GRIK4: variants seen among roughly 807,000 people sequenced by gnomAD.
GRIK4 encodes glutamate ionotropic receptor kainate type subunit 4, also known as glutamate receptor ionotropic, kainate 4.
In GRIK4, 40 loss-of-function variants were observed where a neutral mutation model predicts 104.9. The ratio of observed to expected loss-of-function variants is 0.38; its 90% CI spans 0.30 to 0.50. The LOEUF is 0.50. GRIK4 is among the 20% of genes least tolerant of loss of function. GRIK4 has a pLI of 0.93. For synonymous variants in GRIK4, 485 were observed against 524.9 expected, an observed-to-expected ratio of 0.92 and a Z score of 1.04; for missense variants, 1,047 against 1,308.1, an observed-to-expected ratio of 0.80 and a Z score of 3.08.
chr11:120,516,898 G>A (rs188531594), intron 1 of GRIK4, among the ~76,000 whole-genome samples: 28 of 152,166 alleles, frequency 1.8e-4, no homozygotes, highest in Admixed American at 3.3e-4. Flanking sequence ...TGGAGCCATC[G>A]GGGCTCACCC....
chr11:120,932,109 G>A (rs537826256), intron 13 of GRIK4, among the ~76,000 whole-genome samples: 11 of 151,740 alleles, frequency 7.2e-5, no homozygotes, highest in African/African-American at 2.7e-4. Flanking sequence ...CCTTCTCATG[G>A]TGACATATAT....
intron 13 of GRIK4, among the ~76,000 whole-genome samples, chr11:120,916,951 A>G (rs2134550857): frequency 6.6e-6 from 1 of 152,326 alleles, no homozygotes; most frequent in South Asian, 2.1e-4. Flanking sequence ...AGGCTTAGAA[A>G]GCCAGGCTTT....
In GRIK4 at chr11:120,729,591, C is replaced by T. The variant is rs531704954; in HGVS notation, c.82+69191C>T. On this transcript the variant is annotated intron_variant, in intron 3 of 20. Transcript: ENST00000527524. Reference sequence around the variant, plus strand: ...GAAATGTGTATTCAGATCTTTTGCCCATTTCTTAATTGGATCATTGGACTT... The same window carrying T: ...GAAATGTGTATTCAGATCTTTTGCCTATTTCTTAATTGGATCATTGGACTT... 1.1e-4 allele frequency among the ~76,000 whole-genome samples: 16 copies of T among 152,248 alleles called. 1 individual carries two copies. The East Asian group carries it at 3.1e-3, about 29-fold the overall frequency.
chr11:120,916,156 C>T (rs1191008903), intron 13 of GRIK4, among the ~76,000 whole-genome samples: 2 of 152,186 alleles, frequency 1.3e-5, no homozygotes, highest in Non-Finnish European at 2.9e-5. Context: ...CCTCAACCCT[C>T]TTATCTGGAA....
chr11:120,718,610 G>A (rs1265104247), intron 3 of GRIK4, among the ~76,000 whole-genome samples: 2 of 152,234 alleles, frequency 1.3e-5, no homozygotes, highest in Admixed American at 6.5e-5. Context: ...AAGGAAGGAG[G>A]GAGAATCCAA....
intron 6 of GRIK4, among the ~76,000 whole-genome samples, chr11:120,829,939 A>G (rs1953376992): frequency 6.6e-6 from 1 of 152,310 alleles, no homozygotes; most frequent in Non-Finnish European, 1.5e-5. Context: ...ACAAGTCTCC[A>G]TCGAAACCCT....
At chr11:120,937,527 T>G (rs1390723191) in intron 13 of GRIK4, among the ~76,000 whole-genome samples, 1 of 152,246 alleles carries the variant, frequency 6.6e-6, no homozygotes, top group Non-Finnish European at 1.5e-5. Flanking sequence ...AGCTTGTCAC[T>G]GCCCTTTCCT....
Position 120,875,249 on chromosome 11 carries a change from C to T in GRIK4, c.1164+6C>T. 1.3e-6 allele frequency: 2 copies of T among 1,558,092 alleles called. No homozygotes were observed. The highest frequency in any genetic ancestry group is 1.8e-6 in the Non-Finnish European group (2 of 1,128,904). ...CAAGGAATGGTTTTCGGCAGGTAAG[C>T]CTAGCTGCACCGTGGTGATGGCAGG... On this transcript the variant is annotated splice_donor_region_variant and intron_variant, in intron 11 of 20. Transcript: ENST00000527524.
At chr11:120,544,455 T>C (rs1948066192) in intron 1 of GRIK4, among the ~76,000 whole-genome samples, 1 of 152,154 alleles carries the variant, frequency 6.6e-6, no homozygotes, top group Admixed American at 6.5e-5. Flanking sequence ...CTCAGCCTCC[T>C]GAGTAGCTGG....
intron 8 of GRIK4, chr11:120,858,319 A>G (rs1419949114): frequency 6.6e-6 from 1 of 152,196 alleles, no homozygotes; most frequent in Non-Finnish European, 1.5e-5. Context: ...TGTTCGTTTT[A>G]TGAAATATCT....
At chr11:120,633,336 C>G (rs754384351) in intron 1 of GRIK4, among the ~76,000 whole-genome samples, 35 of 152,272 alleles carry the variant, frequency 2.3e-4, no homozygotes, top group Middle Eastern at 3.4e-3. Flanking sequence ...ACTCCCAGGC[C>G]TTCTCGATGG....
intron 1 of GRIK4, among the ~76,000 whole-genome samples, chr11:120,537,850 T>TAAATAAA (rs1947993528): frequency 7.1e-6 from 1 of 141,712 alleles, no homozygotes. Context: ...TGTTTGTTCT[T>TAAATAAA]AAAAAAAAAA....
intron 1 of GRIK4, among the ~76,000 whole-genome samples, chr11:120,646,552 G>C (rs1565588077): frequency 6.6e-6 from 1 of 152,190 alleles, no homozygotes. Context: ...ATGAGTCACT[G>C]AGTAGGGGAA....
chr11:120,748,444 G>A (rs901028588), intron 3 of GRIK4, among the ~76,000 whole-genome samples: 13 of 151,922 alleles, frequency 8.6e-5, no homozygotes, highest in East Asian at 7.7e-4. Flanking sequence ...GCTGTGTAGC[G>A]GGTGGGTAAG....
At chr11:120,582,998 T>C (rs1196400909) in intron 1 of GRIK4, among the ~76,000 whole-genome samples, 1 of 152,268 alleles carries the variant, frequency 6.6e-6, no homozygotes, top group African/African-American at 2.4e-5. Flanking sequence ...TTCCCTTTTC[T>C]CTGCAACCTC....
intron 3 of GRIK4, among the ~76,000 whole-genome samples, chr11:120,794,291 T>A (rs978801274): frequency 6.6e-6 from 1 of 150,956 alleles, no homozygotes; most frequent in Non-Finnish European, 1.5e-5. Flanking sequence ...AGCCAGGCGA[T>A]GGTTGGAGGG....
At chr11:120,673,470 T>C (rs1257651090) in intron 3 of GRIK4, among the ~76,000 whole-genome samples, 6 of 152,216 alleles carry the variant, frequency 3.9e-5, no homozygotes, top group Non-Finnish European at 7.4e-5. Context: ...CCCCAGGTCC[T>C]GAGGCAAATC....
At chr11:120,984,845 TAG>T (rs1279748818) in intron 20 of GRIK4, among the ~76,000 whole-genome samples, 13 of 136,508 alleles carry the variant, frequency 9.5e-5, no homozygotes, top group African/African-American at 3.3e-4. Context: ...TTTTTTGAGA[TAG>T]AGTCTCAGTC....
intron 20 of GRIK4, among the ~76,000 whole-genome samples, chr11:120,985,456 G>A (rs1378842906): frequency 1.3e-5 from 2 of 152,146 alleles, no homozygotes; most frequent in Non-Finnish European, 2.9e-5. Context: ...GGAACAGAAT[G>A]TTCATAGAGA....
Sources: allele counts gnomAD v4.1 joint callset (sites outside exome capture counted in the v4.1 genomes callset), GRCh38; gene constraint gnomAD v4.1.1; transcripts MANE v1.5; gene names NCBI Gene and HGNC (gene_info 2026-07-23, HGNC 2026-07-21).